Variants in CCM2L observed in about 807,000 individuals in gnomAD.
CCM2L encodes cerebral cavernous malformations 2 protein-like.
A neutral mutation model predicts 54.1 loss-of-function variants in CCM2L; 36 were observed. The observed-to-expected ratio is 0.67, with a 90% CI of 0.51 to 0.88. The LOEUF (loss-of-function observed/expected upper bound fraction) is 0.88. CCM2L is among the 40% of genes least tolerant of loss of function. The probability of loss-of-function intolerance (pLI) is 0.00; values close to 1 mark genes in which losing one functional copy is unlikely to be tolerated. For synonymous variants in CCM2L, 351 were observed against 359.3 expected, an observed-to-expected ratio of 0.98 and a Z score of 0.26; for missense variants, 700 against 812.1, an observed-to-expected ratio of 0.86 and a Z score of 1.68.
chr20:32,025,171 C>A (rs879701302), intron 6 of CCM2L, among the ~76,000 whole-genome samples: 2 of 139,046 alleles, frequency 1.4e-5, no homozygotes, highest in Non-Finnish European at 3.1e-5. Flanking sequence ...TCTTTCTTTC[C>A]TTTCTTTTTT....
chr20:32,021,129 C>T (rs1208479781), intron 5 of CCM2L, among the ~76,000 whole-genome samples: 5 of 152,140 alleles, frequency 3.3e-5, no homozygotes, highest in South Asian at 2.1e-4. Context: ...AGAGTGGTCC[C>T]GTTAACATGA....
intron 4 of CCM2L, 92 bp downstream of exon 4, chr20:32,018,254 C>T: frequency 1.2e-6 from 1 of 846,700 alleles, no homozygotes; most frequent in Non-Finnish European, 1.7e-6. Flanking sequence ...GGGGCAGGGG[C>T]CGGAGGTGTG....
chr20:32,025,782 TG>T, intron 6 of CCM2L, 73 bp from the exon 7 acceptor site: 3 of 1,078,204 alleles, frequency 2.8e-6, no homozygotes, highest in Non-Finnish European at 2.5e-6. Flanking sequence ...AGACTGAGGG[TG>T]GGGCCTCAGG....
At chr20:32,028,010 T>A (rs1334403153) in intron 7 of CCM2L, 1 of 152,216 alleles carries the variant, frequency 6.6e-6, no homozygotes, top group Non-Finnish European at 1.5e-5. Flanking sequence ...CTCAGGGTGC[T>A]ATAAGAGAGG....
In CCM2L at chr20:32,029,057, G is replaced by A; in HGVS notation, c.1196G>A (p.Gly399Asp). Residue 399 changes from glycine to aspartate, a missense_variant, in exon 8 of 10, where the codon GGC becomes GAC. Physicochemically the swap from Gly to Asp is moderately conservative, Grantham distance 94. Transcript: ENST00000452892. Reference protein sequence around the residue: ...YSGTSTPSFHGSHCSGSDHSS... With the variant: ...YSGTSTPSFHDSHCSGSDHSS... ...GGCACGTCCACACCTTCTTTCCATG[G>A]CTCCCACTGCAGCGGCAGCGACCAC... 6.2e-7 allele frequency: 1 copy of A among 1,614,128 alleles called. No homozygotes were observed. The highest frequency in any genetic ancestry group is 8.5e-7 in the Non-Finnish European group (1 of 1,180,008).
At chr20:32,023,801 G>A (rs1486737364) in intron 6 of CCM2L, among the ~76,000 whole-genome samples, 5 of 152,176 alleles carry the variant, frequency 3.3e-5, no homozygotes, top group East Asian at 1.9e-4. Context: ...GCACGATCTC[G>A]GCTCATTGCA....
At chr20:32,016,508 T>C (rs2064742344) in intron 2 of CCM2L, among the ~76,000 whole-genome samples, 1 of 151,720 alleles carries the variant, frequency 6.6e-6, no homozygotes, top group Non-Finnish European at 1.5e-5. Context: ...TACAAAAAAT[T>C]AGCTGGGTGT....
intron 1 of CCM2L, among the ~76,000 whole-genome samples, chr20:32,011,035 G>T (rs1465740730): frequency 2.6e-5 from 4 of 152,200 alleles, no homozygotes; most frequent in African/African-American, 4.8e-5. Flanking sequence ...ATGCTTCTCT[G>T]GGTGTCTCAC....
intron 1 of CCM2L, among the ~76,000 whole-genome samples, chr20:32,011,920 C>T (rs558213831): frequency 1.3e-4 from 20 of 151,892 alleles, no homozygotes; most frequent in African/African-American, 4.8e-4. Context: ...AATACACACA[C>T]ATACGCAAGA....
chr20:32,021,130 G>A (rs753432880), intron 5 of CCM2L, among the ~76,000 whole-genome samples: 3 of 151,962 alleles, frequency 2.0e-5, no homozygotes, highest in Non-Finnish European at 2.9e-5. Context: ...GAGTGGTCCC[G>A]TTAACATGAA....
intron 1 of CCM2L, among the ~76,000 whole-genome samples, chr20:32,014,258 TA>T (rs112977225): frequency 9.5e-5 from 13 of 137,232 alleles, no homozygotes; most frequent in African/African-American, 2.9e-4. Context: ...TATATATATA[TA>T]TATTTTTTTT....
chr20:32,012,459 G>A (rs1468651753), intron 1 of CCM2L, among the ~76,000 whole-genome samples: 2 of 152,210 alleles, frequency 1.3e-5, no homozygotes, highest in African/African-American at 4.8e-5. Flanking sequence ...CTGTGAGGCA[G>A]AGGTGGGAGG....
At position 32,030,357 on chromosome 20, in the gene CCM2L, T is replaced by TCA. The variant is rs1336744871; in HGVS notation, c.1402+522_1402+523dup. 2.6e-5 allele frequency among the ~76,000 whole-genome samples: 4 copies of TCA among 152,260 alleles called. No individual in the cohort carries two copies. The East Asian group carries it at 7.7e-4, about 29-fold the overall frequency. On this transcript the variant is annotated intron_variant, in intron 9 of 9. Coordinates refer to ENST00000452892, the MANE Select transcript of CCM2L (RefSeq NM_001365692.1). The stretch of plus-strand genomic sequence containing the variant: ...AGAGTTACAAAGTAAAGGACTGAGG[T>TCA]CACATAGCTAGTAAGTAGGAATGGA...
At chr20:32,027,825 G>A (rs1370208468) in intron 7 of CCM2L, 1 of 152,168 alleles carries the variant, frequency 6.6e-6, no homozygotes, top group African/African-American at 2.4e-5. Flanking sequence ...GTGTGCTGGG[G>A]ATACAGATGG....
chr20:32,029,802 A>G lies in CCM2L; in HGVS notation c.1366A>G (p.Lys456Glu), dbSNP rs1421564908. The change falls in exon 9 of 10, where the codon AAG becomes GAG. Residue 456 changes from lysine to glutamate, a missense_variant. Coordinates refer to ENST00000452892, the MANE Select transcript of CCM2L (RefSeq NM_001365692.1). ...PIQDYCTGLL[K>E]LYGDRRKFLL... Reference sequence around the variant, plus strand: ...CCAGGACTATTGCACAGGCCTGCTGAAGCTCTACGGAGACCGGCGCAAGTT... The same window carrying G: ...CCAGGACTATTGCACAGGCCTGCTGGAGCTCTACGGAGACCGGCGCAAGTT... The G allele has an allele frequency of 4.3e-6, 7 of 1,611,002 alleles. No individual in the cohort carries two copies. In the Middle Eastern group the frequency reaches 5.0e-4, roughly 114 times the overall value.
At chr20:32,029,228 C>T (rs1272440858) in intron 8 of CCM2L, 104 bp downstream of exon 8, 10 of 1,503,706 alleles carry the variant, frequency 6.7e-6, no homozygotes, top group Admixed American at 1.8e-5. Flanking sequence ...AAGCAGAAGA[C>T]ATCAGAGGTC....
Position 32,029,033 on chromosome 20 carries a change from G to A in CCM2L, c.1172G>A (p.Gly391Asp). Reference sequence around the variant, plus strand: ...GACACCTTTGAAGCATGTTACAGCGGCACGTCCACACCTTCTTTCCATGGC... The same window carrying A: ...GACACCTTTGAAGCATGTTACAGCGACACGTCCACACCTTCTTTCCATGGC... ...SQDTFEACYS[G>D]TSTPSFHGSH... The change falls in exon 8 of 10, where the codon GGC becomes GAC. Residue 391 changes from glycine to aspartate, a missense_variant. Transcript: ENST00000452892. 6.2e-7 allele frequency: 1 copy of A among 1,614,134 alleles called. No homozygotes were observed. Among genetic ancestry groups the A allele is most frequent in the South Asian group, 1.1e-5 (1 of 91,082 alleles).
intron 4 of CCM2L, 37 bp from the exon 5 acceptor site, chr20:32,018,906 C>T (rs1165086470): frequency 1.4e-5 from 18 of 1,273,378 alleles, no homozygotes; most frequent in Non-Finnish European, 1.8e-5. Flanking sequence ...CTCTGAGTCC[C>T]GATCCCCGCG....
In CCM2L at chr20:32,031,164, G is replaced by T. The variant is rs1280130592; in HGVS notation, c.1566G>T (p.Ala522=). 5.4e-6 allele frequency: 7 copies of T among 1,302,390 alleles called. No individual in the cohort carries two copies. The African/African-American group carries it at 7.6e-5, about 14-fold the overall frequency. The allele number at this position is 1,302,390 out of a possible 1,614,324, so 80.7% of individuals were successfully genotyped here. A position where few individuals can be genotyped will look rare whatever the true frequency, so the allele number is the denominator to read the frequency against. Residue 522 remains alanine (A), a synonymous_variant, in exon 10 of 10, where the codon GCG becomes GCT. Coordinates refer to ENST00000452892, the MANE Select transcript of CCM2L (RefSeq NM_001365692.1). ...ASAVRSYDGA[A]QRPEAQAFHR... is the part of the protein sequence containing the mutation. ...CAGTGCGCAGCTACGATGGCGCGGC[G>T]CAGCGGCCCGAGGCACAGGCCTTCC...
Sources: allele counts gnomAD v4.1 joint callset (sites outside exome capture counted in the v4.1 genomes callset), GRCh38; gene constraint gnomAD v4.1.1; transcripts MANE v1.5; gene names NCBI Gene and HGNC (gene_info 2026-07-23, HGNC 2026-07-21).